LRMDA: variants seen among roughly 807,000 people sequenced by gnomAD.
LRMDA encodes leucine rich melanocyte differentiation associated, also known as leucine-rich melanocyte differentiation-associated protein.
In LRMDA, 18 loss-of-function variants were observed where a neutral mutation model predicts 29.8. That is an observed-to-expected ratio of 0.60 (90% confidence interval 0.42 to 0.90). LRMDA has a LOEUF of 0.90. LRMDA is among the 40% of genes least tolerant of loss of function. The pLI, the probability that LRMDA is intolerant of heterozygous loss-of-function variation, is 0.00. For synonymous variants in LRMDA, 125 were observed against 109.4 expected (o/e 1.14, Z -0.89); for missense variants, 273 against 273.9 (o/e 1.00, Z 0.02).
chr10:76,096,489 C>G (rs1455023221), intron 5 of LRMDA, among the ~76,000 whole-genome samples: 2 of 152,164 alleles, frequency 1.3e-5, no homozygotes, highest in East Asian at 3.9e-4. Context: ...TCTATCCTTT[C>G]ATCAGTATTA....
At chr10:76,329,694 A>G (rs997350196) in intron 6 of LRMDA, among the ~76,000 whole-genome samples, 2 of 152,224 alleles carry the variant, frequency 1.3e-5, no homozygotes, top group Admixed American at 6.5e-5. Flanking sequence ...AGTAATTTAT[A>G]TAGCAACTTA....
At chr10:75,521,805 G>A (rs367915805) in intron 2 of LRMDA, among the ~76,000 whole-genome samples, 7 of 152,218 alleles carry the variant, frequency 4.6e-5, no homozygotes, top group African/African-American at 1.7e-4. Flanking sequence ...CACACTAGGA[G>A]CTGCAGACCA....
At chr10:76,007,348 C>T (rs182497823) in intron 2 of LRMDA, among the ~76,000 whole-genome samples, 51 of 152,148 alleles carry the variant, frequency 3.4e-4, no homozygotes, top group African/African-American at 8.2e-4. Context: ...TTTAGGAGAC[C>T]GCTGTTTTCA....
chr10:76,238,451 T>C (rs569203152), intron 5 of LRMDA, among the ~76,000 whole-genome samples: 1 of 152,208 alleles, frequency 6.6e-6, no homozygotes, highest in South Asian at 2.1e-4. Context: ...TCTGTTGCCC[T>C]TACATTGAAG....
At chr10:75,953,687 T>G (rs1463676213) in intron 2 of LRMDA, among the ~76,000 whole-genome samples, 4 of 152,186 alleles carry the variant, frequency 2.6e-5, no homozygotes, top group Non-Finnish European at 4.4e-5. Flanking sequence ...GGCTCAGAAA[T>G]CCAACTTGAT....
At chr10:75,512,151 A>T (rs1178875595) in intron 2 of LRMDA, among the ~76,000 whole-genome samples, 1 of 152,160 alleles carries the variant, frequency 6.6e-6, no homozygotes, top group African/African-American at 2.4e-5. Flanking sequence ...GTCTCTGAAA[A>T]ACAGGCAAAG....
chr10:75,494,034 G>A (rs1281520378), intron 2 of LRMDA, among the ~76,000 whole-genome samples: 4 of 152,042 alleles, frequency 2.6e-5, no homozygotes, highest in Non-Finnish European at 5.9e-5. Flanking sequence ...GATTACAGGC[G>A]TCAGCCACCA....
chr10:75,530,485 G>A (rs745306255), intron 2 of LRMDA, among the ~76,000 whole-genome samples: 2 of 152,142 alleles, frequency 1.3e-5, no homozygotes, highest in Non-Finnish European at 2.9e-5. Context: ...GACCTGTGTT[G>A]CCCCCTCCTT....
chr10:76,152,713 C>T (rs375365836), intron 5 of LRMDA, among the ~76,000 whole-genome samples: 1 of 152,154 alleles, frequency 6.6e-6, no homozygotes, highest in East Asian at 1.9e-4. Context: ...TACAGTGATC[C>T]TGTGGGTGTG....
intron 2 of LRMDA, among the ~76,000 whole-genome samples, chr10:75,710,646 A>G (rs985045912): frequency 6.6e-6 from 1 of 152,254 alleles, no homozygotes; most frequent in East Asian, 1.9e-4. Flanking sequence ...ACCAGAGCCC[A>G]TCTGGGCATG....
At chr10:75,929,912 G>A (rs993197720) in intron 2 of LRMDA, among the ~76,000 whole-genome samples, 1 of 152,166 alleles carries the variant, frequency 6.6e-6, no homozygotes, top group South Asian at 2.1e-4. Context: ...AAATGAGGCT[G>A]ATCAGTCACA....
In LRMDA at chr10:75,537,380, T is replaced by C. The variant is rs77012394; in HGVS notation, c.131+98886T>C. On this transcript the variant is annotated intron_variant, in intron 2 of 6. Coordinates refer to ENST00000611255, the MANE Select transcript of LRMDA (RefSeq NM_001305581.2). ...GTTTAAGTTCTGCTCTGATTCTGCC[T>C]AGCTTTGTGTGACATCAGGCAAGTT... Among the ~76,000 whole-genome samples, 643 of 152,316 alleles carry C rather than the reference T, an allele frequency of 4.2e-3. 8 individuals carry two copies. The highest frequency in any genetic ancestry group is 0.015 in the African/African-American group (630 of 41,570).
chr10:76,141,582 A>G (rs1850201641), intron 5 of LRMDA, among the ~76,000 whole-genome samples: 1 of 152,128 alleles, frequency 6.6e-6, no homozygotes, highest in South Asian at 2.1e-4. Context: ...CTGAGTAAAC[A>G]CTATTTTTAT....
chr10:76,537,440 T>G (rs1362240313), intron 6 of LRMDA, among the ~76,000 whole-genome samples: 1 of 152,254 alleles, frequency 6.6e-6, no homozygotes, highest in Non-Finnish European at 1.5e-5. Context: ...GTCAGAAGTC[T>G]GACCTTGGTC....
chr10:75,946,427 G>A (rs1027021918), intron 2 of LRMDA, among the ~76,000 whole-genome samples: 3 of 152,208 alleles, frequency 2.0e-5, no homozygotes, highest in Non-Finnish European at 4.4e-5. Flanking sequence ...CATGGGCCTT[G>A]GGATGCTTCT....
Position 75,781,181 on chromosome 10 carries a change from A to G in LRMDA, c.132-254827A>G, listed in dbSNP as rs571719046. Reference sequence around the variant, plus strand: ...TCATTGGCCTTTGTATTTAACTTATATGGTGCAGCAATATTGAAATCATTT... The same window carrying G: ...TCATTGGCCTTTGTATTTAACTTATGTGGTGCAGCAATATTGAAATCATTT... On this transcript the variant is annotated intron_variant, in intron 2 of 6. Transcript: ENST00000611255. Among the ~76,000 whole-genome samples the G allele has an allele frequency of 1.1e-4, 16 of 152,230 alleles. No individual in the cohort carries two copies. The South Asian group carries it at 2.3e-3, about 22-fold the overall frequency.
At chr10:76,150,643 T>G (rs1335945366) in intron 5 of LRMDA, among the ~76,000 whole-genome samples, 1 of 152,230 alleles carries the variant, frequency 6.6e-6, no homozygotes, top group African/African-American at 2.4e-5. Context: ...ACAGCCTGTC[T>G]CAGTTTGTGG....
chr10:76,454,430 T>G (rs1340611040), intron 6 of LRMDA, among the ~76,000 whole-genome samples: 1 of 152,130 alleles, frequency 6.6e-6, no homozygotes, highest in African/African-American at 2.4e-5. Flanking sequence ...CGAGGCTGCA[T>G]TATTCTTTGT....
intron 5 of LRMDA, among the ~76,000 whole-genome samples, chr10:76,323,359 G>T (rs1254228251): frequency 6.6e-6 from 1 of 152,132 alleles, no homozygotes; most frequent in Non-Finnish European, 1.5e-5. Flanking sequence ...CCTGCTTTTA[G>T]AAGGGCAAAT....
Sources: gnomAD v4.1 joint callset for allele counts (sites outside exome capture counted in the v4.1 genomes callset) on GRCh38, gnomAD v4.1.1 for gene constraint, MANE v1.5 for transcripts, NCBI Gene and HGNC (gene_info 2026-07-23, HGNC 2026-07-21) for gene names.